PCDH9: variants seen among roughly 807,000 people sequenced by gnomAD.
The protein encoded by PCDH9 is protocadherin 9.
A neutral mutation model predicts 70.6 loss-of-function variants in PCDH9; 24 were observed. The ratio of observed to expected loss-of-function variants is 0.34; its 90% CI spans 0.25 to 0.48. The LOEUF is 0.48. Among genes scored for constraint, PCDH9 ranks in the 20% least tolerant of loss-of-function variants. The pLI, the probability that PCDH9 is intolerant of heterozygous loss-of-function variation, is 0.99. For missense variants in PCDH9, 1,281 were observed against 1,503.6 expected, an observed-to-expected ratio of 0.85 and a Z score of 2.45; for synonymous variants, 562 against 558.5, an observed-to-expected ratio of 1.01 and a Z score of -0.09.
chr13:66,461,040 G>A (rs1049676503), intron 4 of PCDH9, among the ~76,000 whole-genome samples: 5 of 151,800 alleles, frequency 3.3e-5, no homozygotes, highest in Non-Finnish European at 4.4e-5. Context: ...TTAATGCTGG[G>A]CAACAATTTA....
chr13:66,868,588 T>C (rs897169188), intron 3 of PCDH9, among the ~76,000 whole-genome samples: 1 of 152,104 alleles, frequency 6.6e-6, no homozygotes, highest in African/African-American at 2.4e-5. Flanking sequence ...TATTTATCTG[T>C]CATCATGTGA....
chr13:66,895,909 A>G (rs1235463112), intron 3 of PCDH9, among the ~76,000 whole-genome samples: 1 of 152,198 alleles, frequency 6.6e-6, no homozygotes, highest in African/African-American at 2.4e-5. Context: ...GAACAGCTGC[A>G]TCACAGCTGT....
chr13:66,654,230 A>T (rs985770253), intron 3 of PCDH9, among the ~76,000 whole-genome samples: 2 of 152,156 alleles, frequency 1.3e-5, no homozygotes, highest in Non-Finnish European at 2.9e-5. Context: ...ACAAACTTCA[A>T]ATGTTCTCAC....
At chr13:66,907,484 A>G (rs960483886) in intron 2 of PCDH9, among the ~76,000 whole-genome samples, 1 of 152,204 alleles carries the variant, frequency 6.6e-6, no homozygotes, top group Non-Finnish European at 1.5e-5. Context: ...CTGTATTGCA[A>G]TATGTGGATA....
intron 3 of PCDH9, among the ~76,000 whole-genome samples, chr13:66,662,923 T>C (rs959293373): frequency 1.3e-5 from 2 of 152,180 alleles, no homozygotes; most frequent in East Asian, 3.8e-4. Context: ...GCTGTATCAT[T>C]TTCTATAACT....
At chr13:66,694,337 T>C (rs977549515) in intron 3 of PCDH9, among the ~76,000 whole-genome samples, 6 of 152,182 alleles carry the variant, frequency 3.9e-5, no homozygotes, top group African/African-American at 1.4e-4. Flanking sequence ...CACAACTTTG[T>C]GGGCTGCAGG....
At chr13:66,384,090 G>A (rs951700478) in intron 4 of PCDH9, among the ~76,000 whole-genome samples, 2 of 152,034 alleles carry the variant, frequency 1.3e-5, no homozygotes, top group South Asian at 4.2e-4. Context: ...TACAAATAAA[G>A]AATTTCCTAT....
At chr13:66,994,295 G>T (rs1439092921) in intron 2 of PCDH9, among the ~76,000 whole-genome samples, 1 of 152,178 alleles carries the variant, frequency 6.6e-6, no homozygotes, top group Non-Finnish European at 1.5e-5. Context: ...CTGCCAGGAT[G>T]AAGTGCCATT....
At chr13:67,035,847 CTT>C (rs2084998719) in intron 2 of PCDH9, among the ~76,000 whole-genome samples, 1 of 152,036 alleles carries the variant, frequency 6.6e-6, no homozygotes, top group South Asian at 2.1e-4. Flanking sequence ...ATATTTAAAA[CTT>C]AGCCCCAAAT....
intron 3 of PCDH9, among the ~76,000 whole-genome samples, chr13:66,669,726 A>AT (rs1339679578): frequency 3.9e-5 from 6 of 152,326 alleles, no homozygotes; most frequent in Non-Finnish European, 7.4e-5. Context: ...GGAACAAAGG[A>AT]AATGATGGAT....
chr13:67,211,481 C>T (rs1417426944), intron 2 of PCDH9: 1 of 151,866 alleles, frequency 6.6e-6, no homozygotes, highest in African/African-American at 2.4e-5. Flanking sequence ...AAATTTTTGG[C>T]TTAAATAAAA....
At chr13:66,490,477 T>C (rs1029136865) in intron 4 of PCDH9, among the ~76,000 whole-genome samples, 1 of 152,186 alleles carries the variant, frequency 6.6e-6, no homozygotes, top group Non-Finnish European at 1.5e-5. Context: ...GTGGAAAGAA[T>C]AGGAGAGGAT....
chr13:67,104,711 G>A (rs543884017), intron 2 of PCDH9, among the ~76,000 whole-genome samples: 1 of 152,180 alleles, frequency 6.6e-6, no homozygotes, highest in South Asian at 2.1e-4. Context: ...ACCACGCTAG[G>A]CTAATTTTTT....
At chr13:66,610,185 A>G (rs2077275836) in intron 4 of PCDH9, among the ~76,000 whole-genome samples, 2 of 152,002 alleles carry the variant, frequency 1.3e-5, no homozygotes, top group South Asian at 4.1e-4. Context: ...TCAAATATCC[A>G]CACGCTAAGA....
At chr13:66,414,874 C>G (rs940866592) in intron 4 of PCDH9, among the ~76,000 whole-genome samples, 6 of 151,968 alleles carry the variant, frequency 3.9e-5, no homozygotes, top group Non-Finnish European at 7.4e-5. Context: ...TGAACAAAGC[C>G]AAATGGATAT....
chr13:67,039,536 C>A (rs908998852), intron 2 of PCDH9, among the ~76,000 whole-genome samples: 2 of 152,074 alleles, frequency 1.3e-5, no homozygotes, highest in African/African-American at 4.8e-5. Context: ...TGTCTTCTTA[C>A]CAGTTGACTC....
At chr13:67,000,162 A>C (rs1489462914) in intron 2 of PCDH9, among the ~76,000 whole-genome samples, 1 of 152,104 alleles carries the variant, frequency 6.6e-6, no homozygotes, top group African/African-American at 2.4e-5. Flanking sequence ...ATAAAAAATG[A>C]TGAGTTCATG....
intron 2 of PCDH9, among the ~76,000 whole-genome samples, chr13:67,091,120 C>G (rs1233439025): frequency 1.3e-5 from 2 of 152,104 alleles, no homozygotes; most frequent in Non-Finnish European, 2.9e-5. Flanking sequence ...AAATGTTTCA[C>G]TTTGTTTCTC....
At chr13:66,382,108 A>G (rs1407787054) in intron 4 of PCDH9, among the ~76,000 whole-genome samples, 6 of 152,206 alleles carry the variant, frequency 3.9e-5, no homozygotes, top group Admixed American at 3.9e-4. Flanking sequence ...AGATGAATAG[A>G]GGAAAAGTAG....
Sources: allele counts gnomAD v4.1 joint callset (sites outside exome capture counted in the v4.1 genomes callset), GRCh38; gene constraint gnomAD v4.1.1; transcripts MANE v1.5; gene names NCBI Gene and HGNC (gene_info 2026-07-23, HGNC 2026-07-21).